Variants in WDR7 observed in about 807,000 individuals in gnomAD.
WDR7 encodes WD repeat-containing protein 7.
WDR7 carries 46 observed loss-of-function variants against 169.4 expected under a neutral mutation model. The observed-to-expected ratio is 0.27, with a 90% CI of 0.21 to 0.35. WDR7 has a LOEUF of 0.35. WDR7 is among the 10% of genes least tolerant of loss of function. WDR7 has a pLI of 1.00. For missense variants in WDR7, 1,534 were observed against 1,859.3 expected, an observed-to-expected ratio of 0.83 and a Z score of 3.22; for synonymous variants, 612 against 666.8, an observed-to-expected ratio of 0.92 and a Z score of 1.27.
At chr18:56,974,950 G>A (rs879659716) in intron 26 of WDR7, among the ~76,000 whole-genome samples, 3 of 152,150 alleles carry the variant, frequency 2.0e-5, no homozygotes, top group Non-Finnish European at 2.9e-5. Context: ...TCAGAAGGGT[G>A]ATGTTTGGAC....
intron 21 of WDR7, among the ~76,000 whole-genome samples, chr18:56,880,763 T>A (rs1301129448): frequency 6.6e-6 from 1 of 152,210 alleles, no homozygotes; most frequent in Non-Finnish European, 1.5e-5. Context: ...CTATAGACTA[T>A]AACAATCAAA....
At chr18:56,902,776 T>C (rs1568257531) in intron 21 of WDR7, among the ~76,000 whole-genome samples, 1 of 152,162 alleles carries the variant, frequency 6.6e-6, no homozygotes, top group Non-Finnish European at 1.5e-5. Flanking sequence ...CAGACAAGTA[T>C]GATGTTAAGG....
intron 1 of WDR7, among the ~76,000 whole-genome samples, chr18:56,663,174 T>TA (rs1449232256): frequency 2.0e-5 from 3 of 152,214 alleles, no homozygotes; most frequent in Non-Finnish European, 4.4e-5. Context: ...TGACCACATT[T>TA]AACCTTTATC....
intron 19 of WDR7, among the ~76,000 whole-genome samples, chr18:56,804,526 A>G (rs2044734417): frequency 6.6e-6 from 1 of 152,222 alleles, no homozygotes; most frequent in Non-Finnish European, 1.5e-5. Context: ...TTGTAAGCGT[A>G]AAAACTCTGG....
At chr18:56,724,507 TG>T (rs2026398398) in intron 13 of WDR7, among the ~76,000 whole-genome samples, 1 of 151,196 alleles carries the variant, frequency 6.6e-6, no homozygotes, top group South Asian at 2.1e-4. Flanking sequence ...CCACCGCTCC[TG>T]GCCATGCCTT....
At chr18:56,830,582 G>T (rs1216397880) in intron 20 of WDR7, among the ~76,000 whole-genome samples, 1 of 152,176 alleles carries the variant, frequency 6.6e-6, no homozygotes, top group Non-Finnish European at 1.5e-5. Flanking sequence ...TCACCTCTGG[G>T]CGCTGCACTA....
intron 14 of WDR7, among the ~76,000 whole-genome samples, chr18:56,732,428 C>T (rs2026606855): frequency 6.6e-6 from 1 of 152,034 alleles, no homozygotes; most frequent in Non-Finnish European, 1.5e-5. Context: ...TTTAGTCTCT[C>T]CTTGATTTTC....
At chr18:57,017,186 G>A (rs927682796) in intron 26 of WDR7, among the ~76,000 whole-genome samples, 3 of 152,278 alleles carry the variant, frequency 2.0e-5, no homozygotes, top group South Asian at 4.1e-4. Flanking sequence ...AAAGACAATG[G>A]CAACATTTCC....
At chr18:56,770,046 G>T (rs574015607) in intron 16 of WDR7, among the ~76,000 whole-genome samples, 1 of 152,168 alleles carries the variant, frequency 6.6e-6, no homozygotes, top group Non-Finnish European at 1.5e-5. Context: ...TACATAGAAG[G>T]AGCTCAGGAA....
Position 56,754,373 on chromosome 18 carries a change from GTA to G in WDR7, c.1990-2204_1990-2203del, listed in dbSNP as rs565998465. On this transcript the variant is annotated intron_variant, in intron 14 of 27. Transcript: ENST00000254442. The stretch of plus-strand genomic sequence containing the variant: ...TATATATGTGTGTGTATATATACAC[GTA>G]TATATGTGTATATATACGTGTATAT... 6.2e-3 allele frequency among the ~76,000 whole-genome samples: 910 copies of G among 147,416 alleles called. 10 individuals are homozygous for G. The highest frequency in any genetic ancestry group is 0.022 in the African/African-American group (860 of 39,986).
chr18:56,674,144 C>T (rs926592938), intron 2 of WDR7, among the ~76,000 whole-genome samples: 2 of 152,086 alleles, frequency 1.3e-5, no homozygotes, highest in Non-Finnish European at 2.9e-5. Context: ...GGTATACACC[C>T]GAGCGTGGAA....
intron 20 of WDR7, among the ~76,000 whole-genome samples, chr18:56,856,441 C>T (rs749514266): frequency 6.6e-6 from 1 of 151,964 alleles, no homozygotes. Flanking sequence ...GGCTGAGGCA[C>T]AAGAATTGCT....
chr18:57,035,284 T>A, the WDR7 span: 1 of 152,314 alleles, frequency 6.6e-6, no homozygotes, highest in African/African-American at 2.4e-5. Flanking sequence ...TGGGACTGGA[T>A]TTAGCAGGTG....
At chr18:56,871,960 G>A (rs2045958803) in intron 20 of WDR7, among the ~76,000 whole-genome samples, 1 of 151,966 alleles carries the variant, frequency 6.6e-6, no homozygotes, top group African/African-American at 2.4e-5. Flanking sequence ...ATAAAGAATT[G>A]AATGTTTAAG....
At chr18:56,854,932 G>A (rs1225306546) in intron 20 of WDR7, among the ~76,000 whole-genome samples, 1 of 152,112 alleles carries the variant, frequency 6.6e-6, no homozygotes, top group Admixed American at 6.6e-5. Flanking sequence ...GGCTAAGGGA[G>A]TTATGAGCCA....
rs539600952 is a variant in WDR7, at chr18:56,656,340, C to T, written c.-20+4764C>T. On this transcript the variant is annotated intron_variant, in intron 1 of 27. Transcript: ENST00000254442. ...TGTCACCCAGGCTGGAGTGCAGTGG[C>T]GCAATCTTGGCTCAGTGCAACCTCC... Among the ~76,000 whole-genome samples the T allele has an allele frequency of 2.1e-4, 31 of 146,990 alleles. No homozygotes were observed. In the East Asian group the frequency reaches 3.6e-3, roughly 17 times the overall value.
chr18:56,781,758 C>T (rs2044321837), intron 19 of WDR7, 102 bp downstream of exon 19: 1 of 1,209,084 alleles, frequency 8.3e-7, no homozygotes, highest in Non-Finnish European at 1.1e-6. Context: ...AAAAATGAGT[C>T]ACTGACCTTA....
At chr18:56,899,712 T>TA (rs909357814) in intron 21 of WDR7, among the ~76,000 whole-genome samples, 17 of 151,556 alleles carry the variant, frequency 1.1e-4, no homozygotes, top group Admixed American at 7.2e-4. Flanking sequence ...TTTATTGTTT[T>TA]AAAAAAAAAT....
intron 5 of WDR7, among the ~76,000 whole-genome samples, chr18:56,684,372 G>A (rs2144585118): frequency 6.6e-6 from 1 of 152,274 alleles, no homozygotes; most frequent in East Asian, 1.9e-4. Flanking sequence ...TTTAGGCTCT[G>A]CAGGCCATAT....
Sources: gnomAD v4.1 joint callset for allele counts (sites outside exome capture counted in the v4.1 genomes callset) on GRCh38, gnomAD v4.1.1 for gene constraint, MANE v1.5 for transcripts, NCBI Gene and HGNC (gene_info 2026-07-23, HGNC 2026-07-21) for gene names.